The following GALNT13 variants were observed in gnomAD, a reference collection of about 807,000 sequenced individuals.
GALNT13 encodes polypeptide N-acetylgalactosaminyltransferase 13.
In GALNT13, 28 loss-of-function variants were observed where a neutral mutation model predicts 64.2. The ratio of observed to expected loss-of-function variants is 0.44; its 90% CI spans 0.32 to 0.60. The LOEUF (loss-of-function observed/expected upper bound fraction) is 0.60, where lower values mean the gene tolerates loss of function less well. Among genes scored for constraint, GALNT13 ranks in the 20% least tolerant of loss-of-function variants. GALNT13 has a pLI of 0.05. For synonymous variants in GALNT13, 214 were observed against 224.6 expected (o/e 0.95, Z 0.42); for missense variants, 577 against 669.8 (o/e 0.86, Z 1.53).
At chr2:154,085,099 GTCC>G (rs1355031702) in intron 3 of GALNT13, among the ~76,000 whole-genome samples, 1 of 151,884 alleles carries the variant, frequency 6.6e-6, no homozygotes, top group Non-Finnish European at 1.5e-5. Context: ...AGGCATGGTA[GTCC>G]TCCTTCCCCA....
At chr2:153,618,460 A>G in the GALNT13 span, among the ~76,000 whole-genome samples, 2 of 151,930 alleles carry the variant, frequency 1.3e-5, no homozygotes, top group Non-Finnish European at 2.9e-5. Context: ...GTCCTTGAGA[A>G]TAATCCATCT....
intron 3 of GALNT13, among the ~76,000 whole-genome samples, chr2:154,067,493 A>AAG (rs1700528631): frequency 6.6e-6 from 1 of 151,910 alleles, no homozygotes; most frequent in African/African-American, 2.4e-5. Flanking sequence ...AGCTATACTT[A>AAG]CATCAGACAA....
intron 3 of GALNT13, among the ~76,000 whole-genome samples, chr2:153,952,120 A>G (rs1692230390): frequency 6.6e-6 from 1 of 152,166 alleles, no homozygotes; most frequent in Non-Finnish European, 1.5e-5. Flanking sequence ...CCTAAATGGT[A>G]TGGAATACTA....
At chr2:153,953,508 C>T (rs1389068327) in intron 3 of GALNT13, among the ~76,000 whole-genome samples, 3 of 152,118 alleles carry the variant, frequency 2.0e-5, no homozygotes, top group Non-Finnish European at 4.4e-5. Context: ...AGAACTTTTA[C>T]AACCAATGGA....
At chr2:153,073,622 G>A in the GALNT13 span, among the ~76,000 whole-genome samples, 1 of 151,898 alleles carries the variant, frequency 6.6e-6, no homozygotes, top group Non-Finnish European at 1.5e-5. Context: ...ATCTGTGAAG[G>A]TTTCCCTATA....
At chr2:153,667,038 A>T in the GALNT13 span, among the ~76,000 whole-genome samples, 1 of 152,184 alleles carries the variant, frequency 6.6e-6, no homozygotes, top group African/African-American at 2.4e-5. Context: ...AAAGAATCTC[A>T]GTGCTCAGAA....
the GALNT13 span, among the ~76,000 whole-genome samples, chr2:153,550,782 A>T: frequency 4.7e-4 from 71 of 152,356 alleles, no homozygotes; most frequent in African/African-American, 1.7e-3. Flanking sequence ...TAATTATTAG[A>T]TAAGTAAGTT....
intron 3 of GALNT13, among the ~76,000 whole-genome samples, chr2:154,131,088 T>A (rs1682587962): frequency 2.6e-5 from 4 of 152,214 alleles, no homozygotes; most frequent in Admixed American, 2.0e-4. Context: ...AAGGGCCTTT[T>A]AAATATTTTT....
At chr2:154,249,790 G>GT (rs1265934187) in intron 7 of GALNT13, among the ~76,000 whole-genome samples, 3 of 151,870 alleles carry the variant, frequency 2.0e-5, no homozygotes, top group African/African-American at 4.8e-5. Flanking sequence ...AATGTTATTG[G>GT]TTTTTATTTC....
the GALNT13 span, among the ~76,000 whole-genome samples, chr2:153,206,923 CT>C: frequency 4.0e-5 from 6 of 151,714 alleles, no homozygotes; most frequent in Non-Finnish European, 7.4e-5. Context: ...ACAGCCAATT[CT>C]TTTTTTTAAG....
the GALNT13 span, among the ~76,000 whole-genome samples, chr2:153,753,432 TA>T: frequency 1.3e-5 from 2 of 152,188 alleles, no homozygotes; most frequent in Admixed American, 6.5e-5. Flanking sequence ...TTTTGTGATT[TA>T]AGATGTATCT....
At chr2:153,694,150 CTGTT>C in the GALNT13 span, among the ~76,000 whole-genome samples, 10 of 152,098 alleles carry the variant, frequency 6.6e-5, no homozygotes, top group Non-Finnish European at 1.5e-4. Context: ...TTACTGCTAT[CTGTT>C]TGGGAACAAA....
chr2:154,406,218 C>G (rs556401615), intron 10 of GALNT13, among the ~76,000 whole-genome samples: 1 of 152,210 alleles, frequency 6.6e-6, no homozygotes, highest in South Asian at 2.1e-4. Flanking sequence ...GTGGCTCTAC[C>G]TTCAAAATAT....
chr2:153,678,409 A>G, the GALNT13 span, among the ~76,000 whole-genome samples: 3 of 152,186 alleles, frequency 2.0e-5, no homozygotes, highest in Admixed American at 2.0e-4. Flanking sequence ...CCATTATTGT[A>G]AGTGAATTAA....
chr2:153,173,997 A>C, the GALNT13 span, among the ~76,000 whole-genome samples: 5 of 152,204 alleles, frequency 3.3e-5, no homozygotes, highest in Non-Finnish European at 7.3e-5. Flanking sequence ...AGCAAGTTTA[A>C]AACTTAGCAG....
At chr2:154,151,740 C>A (rs185371829) in intron 4 of GALNT13, among the ~76,000 whole-genome samples, 1 of 152,256 alleles carries the variant, frequency 6.6e-6, no homozygotes, top group East Asian at 1.9e-4. Context: ...TTATCAGGGA[C>A]TAGGATTGCA....
At chr2:153,629,569 A>C in the GALNT13 span, among the ~76,000 whole-genome samples, 2 of 152,220 alleles carry the variant, frequency 1.3e-5, no homozygotes, top group African/African-American at 4.8e-5. Context: ...AGTCATTACC[A>C]TTCAGGACAT....
chr2:153,265,466 A>G, the GALNT13 span, among the ~76,000 whole-genome samples: 1 of 152,168 alleles, frequency 6.6e-6, no homozygotes, highest in Non-Finnish European at 1.5e-5. Context: ...CTGAGTTCCA[A>G]TGCAAAGTTC....
intron 9 of GALNT13, among the ~76,000 whole-genome samples, chr2:154,347,606 T>A: frequency 6.6e-6 from 1 of 152,182 alleles, no homozygotes; most frequent in East Asian, 1.9e-4. Flanking sequence ...AGAGCTCAAA[T>A]TGCCAGACAA....
Sources: allele counts gnomAD v4.1 joint callset (sites outside exome capture counted in the v4.1 genomes callset), GRCh38; gene constraint gnomAD v4.1.1; transcripts MANE v1.5; gene names NCBI Gene and HGNC (gene_info 2026-07-23, HGNC 2026-07-21).